NDRG2: variants seen among roughly 807,000 people sequenced by gnomAD.
NDRG2 encodes NDRG family member 2, also known as protein NDRG2.
In NDRG2, 34 loss-of-function variants were observed where a neutral mutation model predicts 58.2. That is an observed-to-expected ratio of 0.58 (90% CI 0.44 to 0.78). NDRG2 has a LOEUF of 0.78. Ranked by LOEUF, NDRG2 falls within the 30% of genes least tolerant of loss-of-function variation. The probability of loss-of-function intolerance (pLI) is 0.00; values close to 1 mark genes in which losing one functional copy is unlikely to be tolerated. For synonymous variants in NDRG2, 187 were observed against 175.9 expected (o/e 1.06, Z -0.50); for missense variants, 434 against 471.2 (o/e 0.92, Z 0.73).
chr14:21,058,976 G>A (rs899768882), intron 1 of NDRG2, among the ~76,000 whole-genome samples: 1 of 152,252 alleles, frequency 6.6e-6, no homozygotes, highest in Non-Finnish European at 1.5e-5. Context: ...TTGCAGGCCG[G>A]AGGGAGAGCA....
rs375428086 is a variant in NDRG2, at chr14:21,019,992, A to C, written c.556-16T>G. ...GGCCTGTTAGCTATGAGGAGAAGGC[A>C]GGTGAGAAAGTTCAGGGTATTGGCC... On this transcript the variant is annotated splice_polypyrimidine_tract_variant and intron_variant, in intron 8 of 15. Transcript: ENST00000556147. 20 of 1,612,428 alleles carry C rather than the reference A, an allele frequency of 1.2e-5. No individual in the cohort carries two copies. Among genetic ancestry groups the C allele is most frequent in the Non-Finnish European group, 2.5e-6 (3 of 1,179,428 alleles).
intron 1 of NDRG2, among the ~76,000 whole-genome samples, chr14:21,067,761 TAC>T (rs3061993): frequency 0.014 from 2,175 of 150,024 alleles, 21 homozygotes; most frequent in African/African-American, 0.034. Flanking sequence ...TGTACACACG[TAC>T]ACACACACAC....
intron 1 of NDRG2, chr14:21,044,033 G>A (rs984100357): frequency 9.5e-5 from 16 of 168,540 alleles, no homozygotes; most frequent in African/African-American, 3.1e-4. Flanking sequence ...TAATTAGTTA[G>A]TAGCAGAACC....
chr14:21,026,526 C>G (rs555066876), upstream of NDRG2, among the ~76,000 whole-genome samples: 3 of 150,668 alleles, frequency 2.0e-5, no homozygotes, highest in African/African-American at 7.3e-5. Flanking sequence ...ACCCTCACCA[C>G]CCGCAATACC....
rs761023552 is a variant in NDRG2 at position 21,021,042 on chromosome 14, G to A, written c.408-198C>T. 3 of 687,308 alleles carry A rather than the reference G, an allele frequency of 4.4e-6. No individual in the cohort carries two copies. In the Admixed American group the frequency reaches 6.1e-5, roughly 14 times the overall value. 42.6% of individuals were successfully genotyped at this position (687,308 alleles called of 1,614,324 possible). On this transcript the variant is annotated intron_variant, in intron 6 of 15. Coordinates refer to ENST00000556147, the MANE Select transcript of NDRG2 (RefSeq NM_001320329.2). ...GCACGGGTAGTCAGGGTAGATACCT[G>A]AAGTCTATCCCCAGCTTTCTGCTGG...
Position 21,070,181 on chromosome 14 carries a change from G to A in NDRG2, c.24+647C>T, listed in dbSNP as rs1321839605. 1.9e-5 allele frequency: 5 copies of A among 262,512 alleles called. No homozygotes were observed. In the Admixed American group the frequency reaches 2.8e-4, roughly 15 times the overall value. The allele number at this position is 262,512 out of a possible 1,614,324, so 16.3% of individuals were successfully genotyped here. On this transcript the variant is annotated intron_variant, in intron 1 of 14. Coordinates refer to the NDRG2 transcript ENST00000403829. The surrounding 1 kb of genome is among the most constrained non-coding windows in gnomAD (Gnocchi z 4.7). ...CCGGCAAGGGGTCCCGCGCGGAGGC[G>A]GGGGCGGGCGCTGAAGGGCGGGGCG...
chr14:21,018,834 G>A lies in NDRG2; in HGVS notation c.762-20C>T, dbSNP rs776986471. The A allele has an allele frequency of 7.8e-5, 126 of 1,613,984 alleles. No individual in the cohort carries two copies. The highest frequency in any genetic ancestry group is 1.0e-4 in the Non-Finnish European group (122 of 1,180,020). ...GGACACCTAAAGACACAGTGTTGGG[G>A]AGAAGGCAGTGAGCCCCTGGCACTC... On this transcript the variant is annotated intron_variant, in intron 11 of 15. Transcript: ENST00000556147.
At chr14:21,057,220 A>T (rs1885713554) in intron 1 of NDRG2, among the ~76,000 whole-genome samples, 1 of 152,114 alleles carries the variant, frequency 6.6e-6, no homozygotes, top group South Asian at 2.1e-4. Flanking sequence ...GGATCACCTG[A>T]GGTCAGGAGT....
intron 1 of NDRG2, among the ~76,000 whole-genome samples, chr14:21,049,076 T>C (rs1382127724): frequency 3.9e-5 from 6 of 152,212 alleles, no homozygotes; most frequent in Admixed American, 3.3e-4. Flanking sequence ...TGAAAATAAG[T>C]TGGAGGACTT....
At chr14:21,039,192 G>A (rs1014401788) in intron 1 of NDRG2, among the ~76,000 whole-genome samples, 3 of 152,168 alleles carry the variant, frequency 2.0e-5, no homozygotes, top group Non-Finnish European at 2.9e-5. Context: ...CCCAGCACAG[G>A]CGAGAGGAAG....
At chr14:21,046,149 T>A (rs181214435) in intron 1 of NDRG2, among the ~76,000 whole-genome samples, 1 of 152,328 alleles carries the variant, frequency 6.6e-6, no homozygotes, top group East Asian at 1.9e-4. Context: ...AGAATTATGA[T>A]ATAATCTAAT....
At chr14:21,054,335 T>TAC (rs3061929) in intron 1 of NDRG2, among the ~76,000 whole-genome samples, 27,032 of 149,930 alleles carry the variant, frequency 0.18, 3,073 homozygotes, top group African/African-American at 0.33. Context: ...AAAGAGATAA[T>TAC]ACACACACAC....
chr14:21,030,407 G>A (rs938180037), upstream of NDRG2: 2 of 646,024 alleles, frequency 3.1e-6, no homozygotes, highest in South Asian at 3.9e-5. Flanking sequence ...AGTTGCGTAG[G>A]TGCAATGGGA....
intron 1 of NDRG2, chr14:21,034,096 T>C: frequency 1.2e-6 from 2 of 1,614,158 alleles, no homozygotes; most frequent in Non-Finnish European, 1.7e-6. Flanking sequence ...CAATCTGAAT[T>C]TTGCATCTTG....
intron 1 of NDRG2, among the ~76,000 whole-genome samples, chr14:21,068,693 GT>G (rs1886426018): frequency 6.6e-6 from 1 of 152,188 alleles, no homozygotes; most frequent in African/African-American, 2.4e-5. Context: ...TGACTCGAGG[GT>G]CCCCTAGCCG....
chr14:21,058,365 T>C, intron 1 of NDRG2: 1 of 1,581,704 alleles, frequency 6.3e-7, no homozygotes, highest in Non-Finnish European at 8.6e-7. Context: ...TAAGCCCTGG[T>C]GCCCACGTTC....
At chr14:21,032,228 G>C in intron 1 of NDRG2, 10 of 821,458 alleles carry the variant, frequency 1.2e-5, no homozygotes, top group Non-Finnish European at 1.8e-5. Flanking sequence ...AGGGAGAAGA[G>C]GCAGCACAGG....
intron 1 of NDRG2, among the ~76,000 whole-genome samples, chr14:21,052,302 G>C (rs1165535223): frequency 1.3e-5 from 2 of 152,184 alleles, no homozygotes; most frequent in African/African-American, 4.8e-5. Flanking sequence ...AAGACTGGAT[G>C]CTCTTACTGG....
At chr14:21,023,837 C>T (rs1449807111) in intron 1 of NDRG2, 193 bp downstream of exon 1, 2 of 422,308 alleles carry the variant, frequency 4.7e-6, no homozygotes, top group Non-Finnish European at 6.4e-6. Flanking sequence ...AGCAACATGA[C>T]CAATGGGGGA....
Sources: allele counts gnomAD v4.1 joint callset (sites outside exome capture counted in the v4.1 genomes callset), GRCh38; gene constraint gnomAD v4.1.1; non-coding constraint Gnocchi (gnomAD v3.1); transcripts MANE v1.5; gene names NCBI Gene and HGNC (gene_info 2026-07-23, HGNC 2026-07-21).